Variants in SYNM observed in about 807,000 individuals in gnomAD.
SYNM encodes the protein desmuslin.
A neutral mutation model predicts 104.0 loss-of-function variants in SYNM; 95 were observed. The ratio of observed to expected loss-of-function variants is 0.91; its 90% CI spans 0.77 to 1.08. The LOEUF (loss-of-function observed/expected upper bound fraction) is 1.08, where lower values mean the gene tolerates loss of function less well. Ranked by LOEUF, SYNM falls within the 50% of genes least tolerant of loss-of-function variation. The pLI is 0.00. For synonymous variants in SYNM, 918 were observed against 869.0 expected (o/e 1.06, Z -0.99); for missense variants, 2,150 against 2,052.2 (o/e 1.05, Z -0.92).
rs1413777258 is a variant in SYNM, at chr15:99,105,238, CGAGCTCCAG to C, written c.46_54del (p.Gln16_Leu18del). ...GGCTGCAGACGGGCCCCGAGAAGGC[CGAGCTCCAG>C]GAGCTCAACGCCCGGCTCTATGACT... is the stretch of plus-strand genomic sequence containing the variant. On this transcript the variant is annotated inframe_deletion, in exon 1 of 4. Transcript: ENST00000336292. The C allele has an allele frequency of 1.3e-6, 2 of 1,573,256 alleles. No homozygotes were observed. The highest frequency in any genetic ancestry group is 2.7e-5 in the African/African-American group (2 of 74,078).
In SYNM at chr15:99,130,493, T is replaced by C. The variant is rs202047817; in HGVS notation, c.2133T>C (p.Asp711=). 2.5e-5 allele frequency: 40 copies of C among 1,613,610 alleles called. No individual in the cohort carries two copies. Among genetic ancestry groups the C allele is most frequent in the Non-Finnish European group, 3.4e-5 (40 of 1,179,866 alleles). Residue 711 remains aspartate, a synonymous_variant, in exon 4 of 4, where the codon GAT becomes GAC. Coordinates refer to ENST00000336292, the MANE Select transcript of SYNM (RefSeq NM_145728.3). ...EAGLDYLLSK[D]IKEVGLKGKS... ...GCCTGGACTACCTTTTAAGCAAGGA[T>C]ATTAAGGAAGTGGGGCTGAAAGGCA...
rs1555482468 is a variant in SYNM, at chr15:99,105,600, T to G, written c.401T>G (p.Leu134Arg). The G allele has an allele frequency of 8.2e-7, 1 of 1,214,282 alleles. No individual in the cohort carries two copies. The highest frequency in any genetic ancestry group is 3.7e-5 in the East Asian group (1 of 27,108). The allele number at this position is 1,214,282 out of a possible 1,614,324, so 75.2% of individuals were successfully genotyped here. Residue 134 changes from leucine to arginine, a missense_variant, in exon 1 of 4, where the codon CTG (leucine) becomes CGG (arginine). Coordinates refer to ENST00000336292, the MANE Select transcript of SYNM (RefSeq NM_145728.3). ...LGARAALEAL[L>R]GRLQAERRGL... ...GCGCGCGCCGCCCTCGAGGCGCTGCTGGGCCGGCTGCAGGCCGAGCGCCGA... is the reference window on the plus strand; with the variant it reads ...GCGCGCGCCGCCCTCGAGGCGCTGCGGGGCCGGCTGCAGGCCGAGCGCCGA...
downstream of SYNM, chr15:99,139,260 T>G (rs1052656946): frequency 1.2e-3 from 1,901 of 1,570,372 alleles, no homozygotes; most frequent in Non-Finnish European, 1.5e-3. Context: ...AGCTTTCTCT[T>G]GAGATTCTGA....
intron 3 of SYNM, among the ~76,000 whole-genome samples, 173 bp downstream of exon 3, chr15:99,126,965 C>T (rs1420504145): frequency 2.0e-5 from 3 of 152,140 alleles, no homozygotes; most frequent in African/African-American, 7.2e-5. Flanking sequence ...GACATAATTT[C>T]AATTATGTGA....
In SYNM at chr15:99,105,241, G is replaced by A. The variant is rs781830857; in HGVS notation, c.42G>A (p.Glu14=). Residue 14 remains glutamate, a synonymous_variant, in exon 1 of 4, where the codon GAG becomes GAA. Transcript: ENST00000336292. ...TGCAGACGGGCCCCGAGAAGGCCGA[G>A]CTCCAGGAGCTCAACGCCCGGCTCT... is the stretch of plus-strand genomic sequence containing the variant. ...WRLQTGPEKA[E]LQELNARLYD... is the part of the protein sequence containing the mutation. 1 of 1,571,386 alleles carries A rather than the reference G, an allele frequency of 6.4e-7. No homozygotes were observed.
intron 1 of SYNM, among the ~76,000 whole-genome samples, chr15:99,107,915 A>T (rs2067262181): frequency 6.7e-6 from 1 of 150,004 alleles, no homozygotes; most frequent in South Asian, 2.1e-4. Flanking sequence ...GGAAAATGTC[A>T]ATAAGGACCT....
At position 99,105,191 on chromosome 15, in the gene SYNM, C is replaced by A; in HGVS notation, c.-9C>A. On this transcript the variant is annotated 5_prime_UTR_variant, in exon 1 of 4. Coordinates refer to ENST00000336292, the MANE Select transcript of SYNM (RefSeq NM_145728.3). The stretch of plus-strand genomic sequence containing the variant: ...CGGCCAGCCGCGAGAACCCCGCACG[C>A]CCGGCAAGATGCTGTCCTGGCGGCT... 1 of 1,571,270 alleles carries A rather than the reference C, an allele frequency of 6.4e-7. No individual in the cohort carries two copies. The highest frequency in any genetic ancestry group is 1.2e-5 in the South Asian group (1 of 86,006).
At chr15:99,117,254 G>A (rs1475538693) in intron 2 of SYNM, among the ~76,000 whole-genome samples, 2 of 152,176 alleles carry the variant, frequency 1.3e-5, no homozygotes, top group Non-Finnish European at 2.9e-5. Context: ...TGGCTGGGTG[G>A]GGCCCGAACA....
At chr15:99,112,696 A>G (rs965852040) in intron 1 of SYNM, among the ~76,000 whole-genome samples, 1 of 152,104 alleles carries the variant, frequency 6.6e-6, no homozygotes, top group African/African-American at 2.4e-5. Flanking sequence ...TACGGTTCAT[A>G]AAGCAGTTTT....
chr15:99,126,918 C>A, intron 3 of SYNM, 126 bp downstream of exon 3: 2 of 759,756 alleles, frequency 2.6e-6, no homozygotes, highest in Non-Finnish European at 4.1e-6. Context: ...AGGAGTTCAT[C>A]TCTCATTTAA....
At chr15:99,141,744 TA>T in the SYNM span, among the ~76,000 whole-genome samples, 1 of 152,168 alleles carries the variant, frequency 6.6e-6, no homozygotes, top group Non-Finnish European at 1.5e-5. Flanking sequence ...GTGGAAACTA[TA>T]AAAACTGAAT....
At position 99,130,219 on chromosome 15, in the gene SYNM, T is replaced by C; in HGVS notation, c.1859T>C (p.Leu620Ser). 6.2e-7 allele frequency: 1 copy of C among 1,613,968 alleles called. No homozygotes were observed. Among genetic ancestry groups the C allele is most frequent in the Non-Finnish European group, 8.5e-7 (1 of 1,179,886 alleles). ...GAAGCAAGAGAGCTACGGTTCAGGT[T>C]GGGCACCAGTGATGCCACTGGTTCT... The part of the protein sequence containing the change: ...EAEARELRFR[L>S]GTSDATGSLQ... Residue 620 changes from leucine to serine, a missense_variant, in exon 4 of 4, where the codon TTG (leucine) becomes TCG (serine). Physicochemically the swap from Leu to Ser is moderately radical, Grantham distance 145 (BLOSUM62 -2). Coordinates refer to ENST00000336292, the MANE Select transcript of SYNM (RefSeq NM_145728.3).
downstream of SYNM, chr15:99,137,716 G>T: frequency 2.5e-6 from 1 of 392,280 alleles, no homozygotes; most frequent in Non-Finnish European, 4.7e-6. Context: ...CTGAACTGTT[G>T]AAGAGAAGTT....
At position 99,130,339 on chromosome 15, in the gene SYNM, C is replaced by T. The variant is rs2067488434; in HGVS notation, c.1979C>T (p.Ala660Val). ...CAGTCTCCAGAGACAGAAGCATCTG[C>T]TGATTCTTTTCCAGACACAAAAGTC... Reference protein sequence around the residue: ...FTQSPETEASADSFPDTKVTY... With the variant: ...FTQSPETEASVDSFPDTKVTY... Residue 660 changes from alanine to valine, a missense_variant, in exon 4 of 4, where the codon GCT (alanine) becomes GTT (valine). Physicochemically the swap from Ala to Val is moderately conservative, Grantham distance 64. Transcript: ENST00000336292. 5.6e-6 allele frequency: 9 copies of T among 1,613,772 alleles called. No individual in the cohort carries two copies. The highest frequency in any genetic ancestry group is 6.8e-6 in the Non-Finnish European group (8 of 1,179,786).
chr15:99,130,930 A>G lies in SYNM; in HGVS notation c.2570A>G (p.Glu857Gly). Reference protein sequence around the residue: ...GSVYGQIHIEEESTIRYSWQD... With the variant: ...GSVYGQIHIEGESTIRYSWQD... The stretch of plus-strand genomic sequence containing the variant: ...GTGTACGGGCAGATCCACATCGAGG[A>G]GGAATCCACCATCAGGTACTCTTGG... The change falls in exon 4 of 4, where the codon GAG becomes GGG. Residue 857 changes from glutamate to glycine, a missense_variant. Coordinates refer to ENST00000336292, the MANE Select transcript of SYNM (RefSeq NM_145728.3). 1 of 1,613,874 alleles carries G rather than the reference A, an allele frequency of 6.2e-7. No homozygotes were observed.
intron 2 of SYNM, among the ~76,000 whole-genome samples, chr15:99,118,464 G>T (rs1290079772): frequency 2.6e-5 from 4 of 152,122 alleles, no homozygotes; most frequent in Non-Finnish European, 5.9e-5. Flanking sequence ...TGGCTTATTG[G>T]TTCTCATTCA....
chr15:99,117,525 C>T (rs1024052097), intron 2 of SYNM, among the ~76,000 whole-genome samples: 2 of 152,234 alleles, frequency 1.3e-5, no homozygotes, highest in South Asian at 2.1e-4. Flanking sequence ...AGGTAATGCC[C>T]CATGCCAGAT....
chr15:99,137,931 T>G (rs1255188083), downstream of SYNM: 2 of 1,577,862 alleles, frequency 1.3e-6, no homozygotes, highest in Admixed American at 3.5e-5. Flanking sequence ...TGAATTCCAT[T>G]TTCTAGGCGG....
intron 2 of SYNM, among the ~76,000 whole-genome samples, chr15:99,117,061 T>C (rs2067356310): frequency 1.4e-5 from 2 of 143,988 alleles, no homozygotes; most frequent in African/African-American, 5.0e-5. Flanking sequence ...CACGAAGCCA[T>C]TGATGAGCGA....
Sources: allele counts gnomAD v4.1 joint callset (sites outside exome capture counted in the v4.1 genomes callset), GRCh38; gene constraint gnomAD v4.1.1; transcripts MANE v1.5; gene names NCBI Gene and HGNC (gene_info 2026-07-23, HGNC 2026-07-21).